Variants in MKLN1 observed in about 807,000 individuals in gnomAD.
MKLN1 encodes the protein muskelin 1.
Under a neutral mutation model 99.0 loss-of-function variants are expected in MKLN1, and 18 were observed. That is an observed-to-expected ratio of 0.18 (90% confidence interval 0.13 to 0.27). The LOEUF (loss-of-function observed/expected upper bound fraction) is 0.27. Among genes scored for constraint, MKLN1 ranks in the 10% least tolerant of loss-of-function variants. The pLI is 1.00. For synonymous variants in MKLN1, 288 were observed against 293.2 expected, an observed-to-expected ratio of 0.98 and a Z score of 0.18; for missense variants, 621 against 875.9, an observed-to-expected ratio of 0.71 and a Z score of 3.67.
chr7:131,120,061 C>G (rs1326887144), intron 1 of MKLN1, among the ~76,000 whole-genome samples: 1 of 150,628 alleles, frequency 6.6e-6, no homozygotes, highest in East Asian at 2.0e-4. Context: ...GTCCCAGCTA[C>G]TCGGGAGGCT....
At chr7:131,242,649 G>C in intron 3 of MKLN1, 1 of 575,146 alleles carries the variant, frequency 1.7e-6, no homozygotes, top group South Asian at 1.7e-5. Flanking sequence ...ATGCTATTCT[G>C]GATGCAAAGC....
At chr7:131,411,060 A>G (rs1400256719) in intron 6 of MKLN1, among the ~76,000 whole-genome samples, 1 of 152,184 alleles carries the variant, frequency 6.6e-6, no homozygotes, top group African/African-American at 2.4e-5. Flanking sequence ...GAAACATAGT[A>G]CGTTTAATAT....
At chr7:131,195,233 G>A (rs1296916561) in intron 2 of MKLN1, among the ~76,000 whole-genome samples, 3 of 152,134 alleles carry the variant, frequency 2.0e-5, no homozygotes, top group Non-Finnish European at 2.9e-5. Context: ...ACAGTGGGCC[G>A]GGCACGGTGG....
chr7:131,303,071 A>T (rs1339324402), intron 3 of MKLN1, among the ~76,000 whole-genome samples: 3 of 152,174 alleles, frequency 2.0e-5, no homozygotes, highest in Non-Finnish European at 4.4e-5. Flanking sequence ...TACATGTTTC[A>T]AGGTCACAGC....
At chr7:131,197,384 A>G (rs1314204707) in intron 2 of MKLN1, among the ~76,000 whole-genome samples, 1 of 16,056 alleles carries the variant, frequency 6.2e-5, no homozygotes, top group African/African-American at 1.7e-4. Flanking sequence ...AAATTTTATT[A>G]TTATTATTAT....
intron 3 of MKLN1, among the ~76,000 whole-genome samples, chr7:131,254,183 C>T (rs6979517): frequency 0.084 from 12,808 of 152,170 alleles, 598 homozygotes; most frequent in Middle Eastern, 0.13. Context: ...GGGCTGTGCA[C>T]ATGACCAACC....
At chr7:131,299,937 AAAT>A (rs1311787964) in intron 3 of MKLN1, among the ~76,000 whole-genome samples, 1 of 152,244 alleles carries the variant, frequency 6.6e-6, no homozygotes, top group Non-Finnish European at 1.5e-5. Context: ...AGCGATGTGA[AAAT>A]AATAATAAAA....
intron 3 of MKLN1, among the ~76,000 whole-genome samples, chr7:131,260,439 G>C (rs930595411): frequency 6.6e-5 from 10 of 152,086 alleles, no homozygotes; most frequent in African/African-American, 2.2e-4. Context: ...TGACTACAAT[G>C]AGAATTATAA....
At chr7:131,273,099 G>C (rs1454808774) in intron 3 of MKLN1, among the ~76,000 whole-genome samples, 1 of 152,174 alleles carries the variant, frequency 6.6e-6, no homozygotes, top group Non-Finnish European at 1.5e-5. Context: ...GAGAAGTTAA[G>C]TACCTTTGCC....
intron 3 of MKLN1, among the ~76,000 whole-genome samples, chr7:131,207,105 A>AT (rs1231104801): frequency 6.6e-6 from 1 of 152,164 alleles, no homozygotes; most frequent in Non-Finnish European, 1.5e-5. Flanking sequence ...TTTTTAATGT[A>AT]TTCACTGAAG....
intron 1 of MKLN1, among the ~76,000 whole-genome samples, chr7:131,340,270 T>A: frequency 7.0e-6 from 1 of 143,504 alleles, no homozygotes; most frequent in Non-Finnish European, 1.5e-5. Flanking sequence ...AGTTTGTAAT[T>A]ACGGCTTTTT....
intron 8 of MKLN1, among the ~76,000 whole-genome samples, chr7:131,420,439 A>C (rs1795158703): frequency 6.6e-6 from 1 of 152,192 alleles, no homozygotes; most frequent in Admixed American, 6.5e-5. Flanking sequence ...GCAATTAGAA[A>C]AATGGTGTAA....
intron 3 of MKLN1, 91 bp downstream of exon 3, chr7:131,387,353 T>G: frequency 8.0e-7 from 1 of 1,246,948 alleles, no homozygotes; most frequent in Non-Finnish European, 1.1e-6. Context: ...TGATTTTTCT[T>G]TCAAAGGAGA....
At chr7:131,237,136 T>C (rs1584858032) in intron 3 of MKLN1, among the ~76,000 whole-genome samples, 1 of 152,376 alleles carries the variant, frequency 6.6e-6, no homozygotes, top group East Asian at 1.9e-4. Flanking sequence ...ATCCATACAC[T>C]GGCCTTAGTG....
chr7:131,408,862 A>T (rs1466718441), intron 6 of MKLN1, among the ~76,000 whole-genome samples: 1 of 152,212 alleles, frequency 6.6e-6, no homozygotes, highest in Non-Finnish European at 1.5e-5. Context: ...TCATAATTAT[A>T]GGAGAAAAAA....
Position 131,375,445 on chromosome 7 carries a change from A to G in MKLN1, c.120A>G (p.Pro40=). 6.2e-7 allele frequency: 1 copy of G among 1,611,752 alleles called. No homozygotes were observed. Among genetic ancestry groups the G allele is most frequent in the South Asian group, 1.1e-5 (1 of 91,030 alleles). The stretch of plus-strand genomic sequence containing the variant: ...CCAGGAACATTTTAGTGGACAAACC[A>G]AATGACCAATCTTCAAGATGGTCTT... ...YLPENILVDK[P]NDQSSRWSSE... is the part of the protein sequence containing the mutation. Residue 40 remains proline (P), a synonymous_variant, in exon 2 of 18, where the codon CCA becomes CCG. Transcript: ENST00000352689.
intron 1 of MKLN1, chr7:131,328,252 G>A (rs912812562): frequency 4.1e-6 from 2 of 492,780 alleles, no homozygotes; most frequent in Admixed American, 3.3e-5. Flanking sequence ...CAGGAGAACC[G>A]GAAGCCCAGC....
chr7:131,339,380 C>A (rs1799339777), intron 1 of MKLN1, among the ~76,000 whole-genome samples: 1 of 152,164 alleles, frequency 6.6e-6, no homozygotes, highest in Non-Finnish European at 1.5e-5. Context: ...TTGCACATTT[C>A]TTTTGAGACT....
intron 2 of MKLN1, among the ~76,000 whole-genome samples, chr7:131,149,676 T>C (rs1172650836): frequency 6.6e-6 from 1 of 152,232 alleles, no homozygotes; most frequent in African/African-American, 2.4e-5. Flanking sequence ...CATAAAGCTA[T>C]GAGTACATGA....
Sources: allele counts gnomAD v4.1 joint callset (sites outside exome capture counted in the v4.1 genomes callset), GRCh38; gene constraint gnomAD v4.1.1; transcripts MANE v1.5; gene names NCBI Gene and HGNC (gene_info 2026-07-23, HGNC 2026-07-21).